The following PLEKHA7 variants were observed in gnomAD, a reference collection of about 807,000 sequenced individuals.
PLEKHA7 encodes the protein pleckstrin homology domain-containing family A member 7.
PLEKHA7 carries 104 observed loss-of-function variants against 170.0 expected under a neutral mutation model. The ratio of observed to expected loss-of-function variants is 0.61; its 90% confidence interval spans 0.52 to 0.72. PLEKHA7 has a LOEUF of 0.72. Ranked by LOEUF, PLEKHA7 falls within the 30% of genes least tolerant of loss-of-function variation. The probability of loss-of-function intolerance (pLI) is 0.00; values close to 1 mark genes in which losing one functional copy is unlikely to be tolerated. For synonymous variants in PLEKHA7, 648 were observed against 660.8 expected (o/e 0.98, Z 0.30); for missense variants, 1,615 against 1,671.7 (o/e 0.97, Z 0.59).
intron 3 of PLEKHA7, among the ~76,000 whole-genome samples, chr11:16,902,068 C>T (rs1346647627): frequency 6.6e-6 from 1 of 152,150 alleles, no homozygotes; most frequent in Non-Finnish European, 1.5e-5. Context: ...CTGGACATTC[C>T]ATATAAATAG....
intron 3 of PLEKHA7, among the ~76,000 whole-genome samples, chr11:16,932,295 T>C (rs1859996929): frequency 7.6e-6 from 1 of 131,940 alleles, no homozygotes; most frequent in South Asian, 2.5e-4. Context: ...TTTTTTTTTC[T>C]GAGACAAAGT....
At chr11:16,811,682 A>G (rs1399367726) in intron 13 of PLEKHA7, among the ~76,000 whole-genome samples, 1 of 152,194 alleles carries the variant, frequency 6.6e-6, no homozygotes, top group Non-Finnish European at 1.5e-5. Context: ...CTGTCAAGTG[A>G]GTTAGACAGT....
chr11:16,978,694 C>T (rs1016647796), intron 3 of PLEKHA7, among the ~76,000 whole-genome samples: 1 of 152,130 alleles, frequency 6.6e-6, no homozygotes, highest in East Asian at 1.9e-4. Context: ...AATGAACATC[C>T]CTGTATGCAT....
At chr11:16,834,839 G>T (rs535086639) in intron 9 of PLEKHA7, among the ~76,000 whole-genome samples, 8 of 152,154 alleles carry the variant, frequency 5.3e-5, no homozygotes, top group Non-Finnish European at 1.0e-4. Flanking sequence ...AGATTACTTG[G>T]GGGGGCGGGG....
intron 3 of PLEKHA7, among the ~76,000 whole-genome samples, chr11:16,970,622 G>A (rs558081155): frequency 2.6e-5 from 4 of 151,860 alleles, no homozygotes; most frequent in Non-Finnish European, 5.9e-5. Flanking sequence ...AGCCGTAATC[G>A]CACCACTGCA....
chr11:16,788,555 G>GCGC (rs1227987916), intron 23 of PLEKHA7: 2 of 156,218 alleles, frequency 1.3e-5, no homozygotes, highest in African/African-American at 4.8e-5. Flanking sequence ...GCGCCAGGAA[G>GCGC]CGCCACCAGG....
intron 3 of PLEKHA7, among the ~76,000 whole-genome samples, chr11:16,997,768 G>A (rs1055663977): frequency 2.6e-5 from 4 of 152,202 alleles, no homozygotes; most frequent in Admixed American, 2.0e-4. Context: ...TCGACAGAAG[G>A]CCGCATGCAG....
At chr11:16,819,977 G>C (rs1323335850) in intron 10 of PLEKHA7, among the ~76,000 whole-genome samples, 1 of 152,184 alleles carries the variant, frequency 6.6e-6, no homozygotes, top group Non-Finnish European at 1.5e-5. Context: ...AGCAGGTAAG[G>C]TGATGAATGT....
At chr11:16,996,324 T>C (rs186785523) in intron 3 of PLEKHA7, among the ~76,000 whole-genome samples, 96 of 152,310 alleles carry the variant, frequency 6.3e-4, no homozygotes, top group African/African-American at 2.2e-3. Context: ...ACAGCTGAAC[T>C]GTGAGGGAGG....
Position 16,892,125 on chromosome 11 carries a change from T to C in PLEKHA7, c.222-20943A>G, listed in dbSNP as rs2135945250. Reference sequence around the variant, plus strand: ...GGCAAGGATGTTGGTAATGGAAGAATGCAAACCCCAAGCATGCAATCTGCC... The same window carrying C: ...GGCAAGGATGTTGGTAATGGAAGAACGCAAACCCCAAGCATGCAATCTGCC... On this transcript the variant is annotated intron_variant, in intron 3 of 26. Transcript: ENST00000531066. Among the ~76,000 whole-genome samples, 2 of 152,274 alleles carry C rather than the reference T, an allele frequency of 1.3e-5. 1 individual carries two copies. Among genetic ancestry groups the C allele is most frequent in the South Asian group, 4.2e-4 (2 of 4,814 alleles).
intron 3 of PLEKHA7, among the ~76,000 whole-genome samples, chr11:16,915,415 GGTTT>G (rs2136193319): frequency 6.6e-6 from 1 of 152,166 alleles, no homozygotes; most frequent in East Asian, 1.9e-4. Flanking sequence ...ACGATGTGCA[GGTTT>G]GTTACATATG....
At chr11:17,013,942 C>G in intron 3 of PLEKHA7, 47 bp downstream of exon 3, 1 of 1,422,024 alleles carries the variant, frequency 7.0e-7, no homozygotes, top group Non-Finnish European at 9.2e-7. Context: ...GGGGAGGGAC[C>G]CCCCCCCCGC....
chr11:16,857,998 T>C (rs1033949696), intron 4 of PLEKHA7, among the ~76,000 whole-genome samples: 2 of 152,162 alleles, frequency 1.3e-5, no homozygotes, highest in Non-Finnish European at 2.9e-5. Flanking sequence ...GGATTACAGG[T>C]GTGAGCCACA....
chr11:16,794,390 A>T, intron 19 of PLEKHA7, 98 bp downstream of exon 19: 1 of 1,270,866 alleles, frequency 7.9e-7, no homozygotes, highest in Non-Finnish European at 1.1e-6. Flanking sequence ...GGCTGGGTCC[A>T]TTTCCCCAAG....
intron 3 of PLEKHA7, among the ~76,000 whole-genome samples, chr11:16,880,829 T>C (rs560650478): frequency 2.0e-5 from 3 of 152,322 alleles, no homozygotes; most frequent in African/African-American, 7.2e-5. Flanking sequence ...CTTAAATAAG[T>C]CAGTTTCCCC....
At chr11:16,803,791 C>G (rs999557897) in intron 13 of PLEKHA7, among the ~76,000 whole-genome samples, 1 of 152,288 alleles carries the variant, frequency 6.6e-6, no homozygotes, top group Admixed American at 6.5e-5. Flanking sequence ...GAGCAGCCCA[C>G]TTCCCCGTGG....
At chr11:16,975,125 C>T in intron 3 of PLEKHA7, 1 of 461,280 alleles carries the variant, frequency 2.2e-6, no homozygotes, top group Non-Finnish European at 3.3e-6. Flanking sequence ...TGTGCCCCAC[C>T]ACAATCAGGA....
intron 9 of PLEKHA7, among the ~76,000 whole-genome samples, chr11:16,839,972 C>T (rs1851821594): frequency 6.6e-6 from 1 of 152,052 alleles, no homozygotes; most frequent in African/African-American, 2.4e-5. Context: ...TTTCCTTCTC[C>T]TGGGGTGAGA....
chr11:16,921,654 T>C (rs1859098301), intron 3 of PLEKHA7, among the ~76,000 whole-genome samples: 1 of 152,230 alleles, frequency 6.6e-6, no homozygotes, highest in South Asian at 2.1e-4. Context: ...AACTTCTTCA[T>C]TAATGAAATG....
Sources: allele counts gnomAD v4.1 joint callset (sites outside exome capture counted in the v4.1 genomes callset), GRCh38; gene constraint gnomAD v4.1.1; transcripts MANE v1.5; gene names NCBI Gene and HGNC (gene_info 2026-07-23, HGNC 2026-07-21).